The following AGBL3 variants were observed in gnomAD, a reference collection of about 807,000 sequenced individuals.
The protein encoded by AGBL3 is cytosolic carboxypeptidase 3.
Under a neutral mutation model 94.5 loss-of-function variants are expected in AGBL3, and 68 were observed. The observed-to-expected ratio is 0.72, with a 90% confidence interval of 0.59 to 0.88. The LOEUF is 0.88. Among genes scored for constraint, AGBL3 ranks in the 40% least tolerant of loss-of-function variants. The pLI, the probability that AGBL3 is intolerant of heterozygous loss-of-function variation, is 0.00. For missense variants in AGBL3, 934 were observed against 1,103.8 expected (o/e 0.85, Z 2.18); for synonymous variants, 354 against 370.7 (o/e 0.95, Z 0.52).
intron 16 of AGBL3, among the ~76,000 whole-genome samples, chr7:135,119,094 G>A (rs1826748195): frequency 6.6e-6 from 1 of 152,090 alleles, no homozygotes. Flanking sequence ...TGAATATAGG[G>A]CTGAAAAAGA....
At chr7:135,052,226 G>T (rs1432241203) in intron 11 of AGBL3, among the ~76,000 whole-genome samples, 1 of 151,868 alleles carries the variant, frequency 6.6e-6, no homozygotes, top group Non-Finnish European at 1.5e-5. Context: ...TACCTTATAC[G>T]AAAGGTAGCA....
chr7:135,076,487 A>G lies in AGBL3; in HGVS notation c.1980+19A>G. ...ACAAGAGGTAAATCTTCATTAATCT[A>G]GTTATTAAGGTTTTTTTAAATGAAT... On this transcript the variant is annotated intron_variant, in intron 13 of 16. Coordinates refer to ENST00000436302, the MANE Select transcript of AGBL3 (RefSeq NM_178563.4). The G allele has an allele frequency of 1.3e-6, 2 of 1,508,836 alleles. No homozygotes were observed. The highest frequency in any genetic ancestry group is 1.8e-6 in the Non-Finnish European group (2 of 1,111,260). 93.5% of individuals were successfully genotyped at this position (1,508,836 alleles called of 1,614,324 possible). A position where few individuals can be genotyped will look rare whatever the true frequency, so the allele number is the denominator to read the frequency against.
chr7:134,989,250 G>T lies in AGBL3; in HGVS notation c.64G>T (p.Asp22Tyr). ...AAATATTTTTAAATTCTTATTTTAG[G>T]ATGAGGATATGTTCATGAAATTTGT... ...DRTISDEDES[D>Y]EDMFMKFVSE... is the part of the protein sequence containing the mutation. The change falls in exon 3 of 17, where the codon GAT becomes TAT. Residue 22 changes from aspartate to tyrosine, a missense_variant and splice_region_variant. By Grantham distance (160) the Asp-to-Tyr change is radical. This residue lies in a region of AGBL3 where 488 missense variants were observed against 563.6 expected (regional missense o/e 0.87). Transcript: ENST00000436302. 6.5e-7 allele frequency: 1 copy of T among 1,538,164 alleles called. No individual in the cohort carries two copies. The highest frequency in any genetic ancestry group is 1.2e-5 in the South Asian group (1 of 81,386).
intron 4 of AGBL3, among the ~76,000 whole-genome samples, chr7:134,994,450 A>G (rs1474262910): frequency 6.6e-6 from 1 of 152,150 alleles, no homozygotes. Flanking sequence ...AGTAAAGCTT[A>G]TAGCCTCATC....
intron 15 of AGBL3, among the ~76,000 whole-genome samples, chr7:135,082,593 TC>T (rs1369130122): frequency 5.3e-5 from 8 of 152,148 alleles, no homozygotes; most frequent in African/African-American, 1.9e-4. Flanking sequence ...TGAAAATTAT[TC>T]TAAAATCTTG....
chr7:135,131,675 C>A (rs1284527659), intron 16 of AGBL3, among the ~76,000 whole-genome samples: 3 of 151,562 alleles, frequency 2.0e-5, no homozygotes, highest in African/African-American at 7.3e-5. Context: ...AAACTCAAAG[C>A]AAGCAGAAAG....
chr7:135,122,646 G>A (rs879720641), intron 16 of AGBL3, among the ~76,000 whole-genome samples: 5 of 152,126 alleles, frequency 3.3e-5, no homozygotes, highest in Non-Finnish European at 5.9e-5. Flanking sequence ...CATCAGGCTG[G>A]TACCCCTTGA....
chr7:135,128,476 T>C, intron 16 of AGBL3: 7 of 745,120 alleles, frequency 9.4e-6, no homozygotes, highest in Non-Finnish European at 1.5e-5. Flanking sequence ...AGAGGATGAA[T>C]TGCTGGCCCC....
chr7:135,048,076 G>T (rs7786104), intron 11 of AGBL3, among the ~76,000 whole-genome samples: 141,354 of 151,886 alleles, frequency 0.93, 66,562 homozygotes, highest in Non-Finnish European at 1. Context: ...CATGTGGATA[G>T]CCAGTTTCCC....
At chr7:135,040,978 T>C (rs1816804603) in intron 8 of AGBL3, among the ~76,000 whole-genome samples, 1 of 151,814 alleles carries the variant, frequency 6.6e-6, no homozygotes, top group Non-Finnish European at 1.5e-5. Context: ...TGCATTTCTG[T>C]ATACTCACAA....
intron 11 of AGBL3, among the ~76,000 whole-genome samples, chr7:135,049,335 T>C (rs1280418898): frequency 6.6e-6 from 1 of 152,000 alleles, no homozygotes; most frequent in Non-Finnish European, 1.5e-5. Context: ...TAGTATTTTC[T>C]TGAGAATTTT....
chr7:135,082,305 C>T (rs1345732234), intron 15 of AGBL3, among the ~76,000 whole-genome samples: 4 of 152,118 alleles, frequency 2.6e-5, no homozygotes. Context: ...CCCAATTCTC[C>T]TTGAAATAAT....
chr7:135,079,663 T>G (rs1256698080), intron 13 of AGBL3, among the ~76,000 whole-genome samples: 1 of 151,496 alleles, frequency 6.6e-6, no homozygotes, highest in Non-Finnish European at 1.5e-5. Flanking sequence ...AGGCGGGGTT[T>G]CACCATGTTG....
intron 12 of AGBL3, among the ~76,000 whole-genome samples, chr7:135,065,966 A>G (rs1312257899): frequency 6.6e-6 from 1 of 152,236 alleles, no homozygotes; most frequent in Non-Finnish European, 1.5e-5. Context: ...TACTACACAC[A>G]AAAAGTCAAC....
intron 11 of AGBL3, among the ~76,000 whole-genome samples, chr7:135,049,014 T>C (rs1000499367): frequency 2.0e-5 from 3 of 151,998 alleles, no homozygotes; most frequent in Non-Finnish European, 2.9e-5. Flanking sequence ...CCTTGCCTTT[T>C]TCCTGATCTT....
intron 12 of AGBL3, among the ~76,000 whole-genome samples, chr7:135,073,472 A>AAATG (rs1820148281): frequency 1.6e-4 from 3 of 18,810 alleles, no homozygotes; most frequent in Admixed American, 8.8e-4. Flanking sequence ...CTCCGTCTCA[A>AAATG]AATAAATAAA....
At chr7:135,009,943 C>T (rs755796797) in intron 4 of AGBL3, 5 of 393,092 alleles carry the variant, frequency 1.3e-5, no homozygotes, top group Non-Finnish European at 2.4e-5. Flanking sequence ...GCCCTGCAAC[C>T]TCTTCTATGG....
chr7:135,054,351 T>A (rs1818147944), intron 11 of AGBL3, among the ~76,000 whole-genome samples: 1 of 152,228 alleles, frequency 6.6e-6, no homozygotes, highest in Non-Finnish European at 1.5e-5. Flanking sequence ...ATTTTCCAAA[T>A]GAAACTTAAA....
intron 16 of AGBL3, chr7:135,128,582 T>C: frequency 1.3e-6 from 1 of 771,064 alleles, no homozygotes; most frequent in South Asian, 1.4e-5. Flanking sequence ...TTTCAAGATG[T>C]TTGTGAGCGC....
Sources: allele counts gnomAD v4.1 joint callset (sites outside exome capture counted in the v4.1 genomes callset), GRCh38; gene constraint gnomAD v4.1.1; regional missense constraint gnomAD v4.1.1; transcripts MANE v1.5; gene names NCBI Gene and HGNC (gene_info 2026-07-23, HGNC 2026-07-21).